TACR3: variants seen among roughly 807,000 people sequenced by gnomAD.
TACR3 encodes neuromedin-K receptor.
In TACR3, 34 loss-of-function variants were observed where a neutral mutation model predicts 35.0. That is an observed-to-expected ratio of 0.97 (90% CI 0.74 to 1.30). TACR3 has a LOEUF of 1.30. TACR3 is among the 50% of genes most tolerant of loss of function. The probability of loss-of-function intolerance (pLI) is 0.00; values close to 1 mark genes in which losing one functional copy is unlikely to be tolerated. For synonymous variants in TACR3, 233 were observed against 221.1 expected (o/e 1.05, Z -0.48); for missense variants, 558 against 591.7 (o/e 0.94, Z 0.59).
At chr4:103,619,692 C>T (rs1724735428) in intron 3 of TACR3, among the ~76,000 whole-genome samples, 4 of 152,038 alleles carry the variant, frequency 2.6e-5, no homozygotes, top group Admixed American at 2.6e-4. Flanking sequence ...AGGTGTATTC[C>T]TTTGAACTCT....
At chr4:103,688,033 C>G (rs1722295279) in intron 1 of TACR3, among the ~76,000 whole-genome samples, 1 of 152,266 alleles carries the variant, frequency 6.6e-6, no homozygotes, top group South Asian at 2.1e-4. Context: ...CAGCACGGTA[C>G]TGGTACCAAA....
chr4:103,636,478 T>C (rs939353232), intron 3 of TACR3, among the ~76,000 whole-genome samples: 9 of 152,004 alleles, frequency 5.9e-5, no homozygotes, highest in African/African-American at 2.2e-4. Flanking sequence ...TTGGTTGGCT[T>C]ACCACACAAA....
In TACR3 at chr4:103,650,663, TAAA is replaced by T. The variant is rs1474327448; in HGVS notation, c.888+5528_888+5530del. Among the ~76,000 whole-genome samples, 14 of 30,296 alleles carry T rather than the reference TAAA, an allele frequency of 4.6e-4. No homozygotes were observed. The African/African-American group carries it at 5.0e-3, about 11-fold the overall frequency. The allele number at this position is 30,296 out of a possible 152,430, so 19.9% of individuals were successfully genotyped here. On this transcript the variant is annotated intron_variant, in intron 3 of 4. Transcript: ENST00000304883. Reference sequence around the variant, plus strand: ...TATATTTAATATATATAAATATATATAAATAAATATATATTATATCATATATAA... The same window carrying T: ...TATATTTAATATATATAAATATATATTAAATATATATTATATCATATATAA...
intron 1 of TACR3, among the ~76,000 whole-genome samples, chr4:103,693,799 T>C (rs1247997213): frequency 2.0e-5 from 3 of 152,054 alleles, no homozygotes; most frequent in Non-Finnish European, 4.4e-5. Context: ...GATACTCTTG[T>C]GTTTAGAGAT....
chr4:103,645,289 AAT>A lies in TACR3; in HGVS notation c.888+10903_888+10904del, dbSNP rs1166854667. ...GATTAATAGTATAAAATATGATGTA[AAT>A]ATTAAAACACAGGGAAGGAAATGTG... On this transcript the variant is annotated intron_variant, in intron 3 of 4. Coordinates refer to ENST00000304883, the MANE Select transcript of TACR3 (RefSeq NM_001059.3). Among the ~76,000 whole-genome samples, 8 of 151,946 alleles carry A rather than the reference AAT, an allele frequency of 5.3e-5. No individual in the cohort carries two copies. In the South Asian group the frequency reaches 1.7e-3, roughly 31 times the overall value.
intron 1 of TACR3, among the ~76,000 whole-genome samples, chr4:103,704,121 A>G (rs974495959): frequency 2.7e-5 from 4 of 148,130 alleles, no homozygotes; most frequent in Admixed American, 6.6e-5. Flanking sequence ...AAAAAAAAAA[A>G]AAAAAAAAAA....
chr4:103,602,605 C>T (rs1385674855), intron 3 of TACR3, among the ~76,000 whole-genome samples: 1 of 152,042 alleles, frequency 6.6e-6, no homozygotes, highest in African/African-American at 2.4e-5. Flanking sequence ...TTCCTTCTAA[C>T]AGACAGGACC....
intron 3 of TACR3, among the ~76,000 whole-genome samples, chr4:103,627,977 C>A (rs1333260989): frequency 6.6e-6 from 1 of 152,142 alleles, no homozygotes; most frequent in Non-Finnish European, 1.5e-5. Flanking sequence ...AATCAGAACT[C>A]AGGATTAAGA....
At chr4:103,690,214 T>C (rs1722370527) in intron 1 of TACR3, among the ~76,000 whole-genome samples, 1 of 152,144 alleles carries the variant, frequency 6.6e-6, no homozygotes, top group African/African-American at 2.4e-5. Context: ...CAACATCAAA[T>C]GGTTCCTCAA....
chr4:103,662,233 T>C (rs889463982), intron 1 of TACR3, among the ~76,000 whole-genome samples: 56 of 151,336 alleles, frequency 3.7e-4, no homozygotes, highest in African/African-American at 1.3e-3. Flanking sequence ...TTTTTTTTTT[T>C]TTTTGAGACT....
chr4:103,616,089 C>T (rs1036231847), intron 3 of TACR3, among the ~76,000 whole-genome samples: 1 of 152,050 alleles, frequency 6.6e-6, no homozygotes, highest in Non-Finnish European at 1.5e-5. Context: ...TCAGTAATGT[C>T]AGAAATTCAT....
intron 3 of TACR3, among the ~76,000 whole-genome samples, chr4:103,629,856 AAAAAC>A (rs1725010136): frequency 8.6e-6 from 1 of 116,752 alleles, no homozygotes; most frequent in African/African-American, 3.5e-5. Context: ...AAAACAAAAA[AAAAAC>A]AAAAAAAAAA....
At chr4:103,686,064 A>G (rs527660239) in intron 1 of TACR3, among the ~76,000 whole-genome samples, 13 of 152,306 alleles carry the variant, frequency 8.5e-5, no homozygotes, top group African/African-American at 2.9e-4. Context: ...TAGTTGGAGA[A>G]AGCAACAAAT....
At chr4:103,623,635 T>G (rs1724830952) in intron 3 of TACR3, among the ~76,000 whole-genome samples, 1 of 152,128 alleles carries the variant, frequency 6.6e-6, no homozygotes, top group Non-Finnish European at 1.5e-5. Flanking sequence ...TAGGCAGTCT[T>G]ATAGGAAGAC....
chr4:103,666,593 A>C lies in TACR3; in HGVS notation c.549-8190T>G, dbSNP rs6852687. ...TATATATAACTCATTTAATACTAAA[A>C]TTTTAATTTTTTACTTAAATAGTAA... On this transcript the variant is annotated intron_variant, in intron 1 of 4. Transcript: ENST00000304883. Among the ~76,000 whole-genome samples the C allele has an allele frequency of 5.7e-3, 862 of 152,316 alleles. 11 individuals carry two copies. The highest frequency in any genetic ancestry group is 0.02 in the African/African-American group (819 of 41,566).
intron 1 of TACR3, among the ~76,000 whole-genome samples, chr4:103,677,238 G>T (rs953979562): frequency 6.6e-6 from 1 of 152,080 alleles, no homozygotes; most frequent in Non-Finnish European, 1.5e-5. Context: ...TGGAGAAAAA[G>T]GAACACTTTT....
chr4:103,709,409 C>A (rs1560540627), intron 1 of TACR3, among the ~76,000 whole-genome samples: 1 of 152,110 alleles, frequency 6.6e-6, no homozygotes, highest in Non-Finnish European at 1.5e-5. Context: ...CCAAACTAAG[C>A]TTCATAAGTG....
intron 1 of TACR3, among the ~76,000 whole-genome samples, chr4:103,686,978 A>C (rs1722260756): frequency 6.6e-6 from 1 of 152,198 alleles, no homozygotes; most frequent in African/African-American, 2.4e-5. Context: ...CTTGATGAAC[A>C]CTGATGCAAA....
chr4:103,630,809 A>G (rs1327008016), intron 3 of TACR3, among the ~76,000 whole-genome samples: 1 of 152,134 alleles, frequency 6.6e-6, no homozygotes, highest in African/African-American at 2.4e-5. Flanking sequence ...AAAACCATTG[A>G]CCCAGCCATC....
Sources: allele counts gnomAD v4.1 joint callset (sites outside exome capture counted in the v4.1 genomes callset), GRCh38; gene constraint gnomAD v4.1.1; transcripts MANE v1.5; gene names NCBI Gene and HGNC (gene_info 2026-07-23, HGNC 2026-07-21).